TSPEAR: variants seen among roughly 807,000 people sequenced by gnomAD.
TSPEAR encodes thrombospondin-type laminin G domain and EAR repeat-containing protein.
TSPEAR carries 69 observed loss-of-function variants against 71.6 expected under a neutral mutation model. That is an observed-to-expected ratio of 0.96 (90% CI 0.79 to 1.18). The LOEUF (loss-of-function observed/expected upper bound fraction) is 1.18, where lower values mean the gene tolerates loss of function less well. Ranked by LOEUF, TSPEAR falls within the 50% of genes most tolerant of loss-of-function variation. TSPEAR has a pLI of 0.00. For synonymous variants in TSPEAR, 402 were observed against 387.2 expected (o/e 1.04, Z -0.45); for missense variants, 971 against 894.9 (o/e 1.09, Z -1.09).
chr21:44,684,166 C>T (rs1286266731), intron 1 of TSPEAR, among the ~76,000 whole-genome samples: 1 of 152,190 alleles, frequency 6.6e-6, no homozygotes, highest in African/African-American at 2.4e-5. Context: ...ACAGTGGAGA[C>T]ACATCTTTAA....
intron 1 of TSPEAR, chr21:44,697,998 G>A (rs1987465212): frequency 6.4e-7 from 1 of 1,562,718 alleles, no homozygotes; most frequent in East Asian, 2.2e-5. Context: ...GGGCCACTGG[G>A]CACTATGAGT....
chr21:44,555,698 G>C (rs1458461654), intron 2 of TSPEAR, among the ~76,000 whole-genome samples: 1 of 152,066 alleles, frequency 6.6e-6, no homozygotes, highest in Non-Finnish European at 1.5e-5. Flanking sequence ...GCAGGGTAGA[G>C]GCTGCACACA....
chr21:44,708,726 G>C (rs994784877), intron 1 of TSPEAR, among the ~76,000 whole-genome samples: 1 of 151,840 alleles, frequency 6.6e-6, no homozygotes, highest in African/African-American at 2.4e-5. Flanking sequence ...TCCCCTCCCC[G>C]AATGCTGCTC....
At chr21:44,570,692 A>G (rs782087659) in intron 1 of TSPEAR, among the ~76,000 whole-genome samples, 1 of 152,220 alleles carries the variant, frequency 6.6e-6, no homozygotes, top group Non-Finnish European at 1.5e-5. Flanking sequence ...AGCAAAGGGA[A>G]GGATGGGGCA....
intron 1 of TSPEAR, among the ~76,000 whole-genome samples, chr21:44,680,902 A>G (rs2329892): frequency 0.51 from 77,561 of 152,016 alleles, 20,096 homozygotes; most frequent in African/African-American, 0.59. Context: ...TAATGGGTAC[A>G]AACATACAGT....
At chr21:44,570,938 T>C (rs1248435574) in intron 1 of TSPEAR, among the ~76,000 whole-genome samples, 2 of 152,116 alleles carry the variant, frequency 1.3e-5, no homozygotes, top group Non-Finnish European at 2.9e-5. Flanking sequence ...CCAGAACTTA[T>C]TAAAGAAGAA....
chr21:44,539,701 C>T (rs367763830), intron 2 of TSPEAR: 3 of 1,593,496 alleles, frequency 1.9e-6, no homozygotes, highest in African/African-American at 2.7e-5. Context: ...GCACATAGCA[C>T]ACAGGCTTGC....
chr21:44,527,810 T>C (rs937284678), intron 6 of TSPEAR, among the ~76,000 whole-genome samples: 2 of 152,142 alleles, frequency 1.3e-5, no homozygotes, highest in African/African-American at 2.4e-5. Context: ...CTCTCGATAA[T>C]GTGAAAGAGA....
At chr21:44,608,188 T>C (rs1392350936) in intron 1 of TSPEAR, among the ~76,000 whole-genome samples, 5 of 152,196 alleles carry the variant, frequency 3.3e-5, no homozygotes, top group Admixed American at 3.3e-4. Context: ...TTTAAATAGG[T>C]ACCTTTTACA....
chr21:44,569,369 T>A (rs1183709125), intron 1 of TSPEAR, among the ~76,000 whole-genome samples: 1 of 152,066 alleles, frequency 6.6e-6, no homozygotes, highest in Non-Finnish European at 1.5e-5. Context: ...AAAAACCGGA[T>A]GTGACGCAGA....
chr21:44,697,722 G>A lies in TSPEAR; in HGVS notation c.82+13711C>T, dbSNP rs782542668. 1.1e-5 allele frequency: 17 copies of A among 1,613,890 alleles called. No homozygotes were observed. The Admixed American group carries it at 2.7e-4, about 25-fold the overall frequency. ...TGCTCTGGGGCCTCCTCTCTGTGCT[G>A]CCAGCAGTCTAGCTGCCAGCCAGCT... is the stretch of plus-strand genomic sequence containing the variant. On this transcript the variant is annotated intron_variant, in intron 1 of 11. Transcript: ENST00000323084.
intron 1 of TSPEAR, among the ~76,000 whole-genome samples, chr21:44,576,291 G>A (rs953404560): frequency 1.4e-5 from 2 of 147,786 alleles, no homozygotes; most frequent in South Asian, 4.2e-4. Context: ...ACAGACACAC[G>A]GATGTCCCAG....
chr21:44,702,096 C>T, intron 1 of TSPEAR: 1 of 851,346 alleles, frequency 1.2e-6, no homozygotes, highest in Non-Finnish European at 1.8e-6. Flanking sequence ...GAGAGGGAGG[C>T]AGGGAAACTT....
intron 1 of TSPEAR, among the ~76,000 whole-genome samples, chr21:44,663,640 G>T (rs1555944154): frequency 6.6e-6 from 1 of 151,918 alleles, no homozygotes; most frequent in Non-Finnish European, 1.5e-5. Flanking sequence ...TTGAACAAAA[G>T]TATTATAGTA....
At chr21:44,661,495 AGTAAAGGTATGTATT>A (rs1198560253) in intron 1 of TSPEAR, among the ~76,000 whole-genome samples, 2 of 152,218 alleles carry the variant, frequency 1.3e-5, no homozygotes, top group Admixed American at 6.5e-5. Flanking sequence ...CCTTTGTTAC[AGTAAAGGTATGTATT>A]GTAACTCTTA....
Position 44,695,120 on chromosome 21 carries a change from A to G in TSPEAR, c.82+16313T>C, listed in dbSNP as rs1189217830. ...CTCTGGCCTTCTGAGGTCACTCTTT[A>G]TAATCCAAATAAAATAACAAGAGAC... On this transcript the variant is annotated intron_variant, in intron 1 of 11. Transcript: ENST00000323084. This position sits in a 1 kb window ranked among gnomAD's most constrained non-coding sequence, Gnocchi z 4.5. Among the ~76,000 whole-genome samples the G allele has an allele frequency of 6.6e-6, 1 of 152,118 alleles. No individual in the cohort carries two copies. Among genetic ancestry groups the G allele is most frequent in the African/African-American group, 2.4e-5 (1 of 41,420 alleles).
At chr21:44,539,827 C>T (rs782540906) in intron 2 of TSPEAR, 1 of 1,556,348 alleles carries the variant, frequency 6.4e-7, no homozygotes, top group Non-Finnish European at 8.7e-7. Flanking sequence ...GCAGGCAGCA[C>T]ACAGGCTTGC....
At chr21:44,507,218 G>A (rs1481850421) in intron 10 of TSPEAR, 25 of 152,248 alleles carry the variant, frequency 1.6e-4, no homozygotes, top group African/African-American at 6.0e-4. Flanking sequence ...AAAAGGGTGT[G>A]GGGGGCTCCT....
chr21:44,681,838 A>C, intron 1 of TSPEAR: 1 of 1,609,260 alleles, frequency 6.2e-7, no homozygotes, highest in Admixed American at 1.7e-5. Context: ...CATGCTCAGC[A>C]GCAGGAAGGG....
Sources: allele counts gnomAD v4.1 joint callset (sites outside exome capture counted in the v4.1 genomes callset), GRCh38; gene constraint gnomAD v4.1.1; non-coding constraint Gnocchi (gnomAD v3.1); transcripts MANE v1.5; gene names NCBI Gene and HGNC (gene_info 2026-07-23, HGNC 2026-07-21).